ANXA8: variants seen among roughly 807,000 people sequenced by gnomAD.
The protein encoded by ANXA8 is VAC-beta.
ANXA8 carries 9 observed loss-of-function variants against 26.8 expected under a neutral mutation model. The observed-to-expected ratio is 0.34, with a 90% CI of 0.20 to 0.59. ANXA8 has a LOEUF of 0.59. Among genes scored for constraint, ANXA8 ranks in the 20% least tolerant of loss-of-function variants. The probability of loss-of-function intolerance (pLI) is 0.84; values close to 1 mark genes in which losing one functional copy is unlikely to be tolerated. For missense variants in ANXA8, 83 were observed against 238.5 expected, an observed-to-expected ratio of 0.35 and a Z score of 4.29; for synonymous variants, 39 against 94.8, an observed-to-expected ratio of 0.41 and a Z score of 3.42.
chr10:47,552,523 C>G, the ANXA8 span, among the ~76,000 whole-genome samples: 1 of 152,048 alleles, frequency 6.6e-6, no homozygotes, highest in African/African-American at 2.4e-5. Flanking sequence ...TCTAAAACTT[C>G]TAAATTACAG....
chr10:47,948,323 G>T, the ANXA8 span, among the ~76,000 whole-genome samples: 5 of 111,074 alleles, frequency 4.5e-5, no homozygotes, highest in East Asian at 1.3e-3. Context: ...ACTCAGGAAT[G>T]ATGGATGTTG....
At chr10:47,706,821 C>G in the ANXA8 span, 1 of 980,364 alleles carries the variant, frequency 1.0e-6, no homozygotes, top group Non-Finnish European at 1.6e-6. Flanking sequence ...ACTGCCCGTT[C>G]TCCTTGAAGA....
At chr10:47,490,239 A>T in the ANXA8 span, 1 of 165,790 alleles carries the variant, frequency 6.0e-6, no homozygotes, top group Middle Eastern at 3.1e-3. Flanking sequence ...GCGTGCTAGA[A>T]CTGAAGGATT....
chr10:47,567,963 TG>T, the ANXA8 span: 2 of 690,582 alleles, frequency 2.9e-6, no homozygotes, highest in Non-Finnish European at 5.2e-6. Context: ...ATGTGCCGTT[TG>T]GGGGTGCTAA....
the ANXA8 span, among the ~76,000 whole-genome samples, chr10:47,693,450 C>A: frequency 1.3e-5 from 2 of 151,478 alleles, no homozygotes; most frequent in African/African-American, 4.9e-5. Flanking sequence ...CCACCGCGCG[C>A]GGCTAATTTT....
the ANXA8 span, among the ~76,000 whole-genome samples, chr10:47,645,659 G>C: frequency 1.5e-4 from 22 of 151,646 alleles, no homozygotes; most frequent in African/African-American, 5.1e-4. Flanking sequence ...AGTTTTACTG[G>C]GCTAAGGGTT....
the ANXA8 span, among the ~76,000 whole-genome samples, chr10:47,914,939 C>A: frequency 2.0e-5 from 3 of 152,366 alleles, no homozygotes; most frequent in East Asian, 3.8e-4. Context: ...CTTGACCTAT[C>A]TCCTTTGTGC....
the ANXA8 span, among the ~76,000 whole-genome samples, chr10:47,506,837 C>T: frequency 0.093 from 12,767 of 137,222 alleles, 1,015 homozygotes; most frequent in East Asian, 0.24. Context: ...GACGGGGTTT[C>T]GCCGTGTTAG....
chr10:47,747,272 G>A, the ANXA8 span, among the ~76,000 whole-genome samples: 1 of 152,062 alleles, frequency 6.6e-6, no homozygotes, highest in Admixed American at 6.5e-5. Context: ...GGAACTGAAG[G>A]GGCCAAGATA....
the ANXA8 span, among the ~76,000 whole-genome samples, chr10:47,680,679 C>T: frequency 6.6e-6 from 1 of 151,188 alleles, no homozygotes; most frequent in Non-Finnish European, 1.5e-5. Flanking sequence ...TGTACAATTA[C>T]AATATGACAG....
the ANXA8 span, chr10:47,502,813 T>C: frequency 6.9e-6 from 11 of 1,595,524 alleles, 1 homozygote; most frequent in South Asian, 5.5e-5. Flanking sequence ...GATCTGGCTC[T>C]GGATGGCTTG....
At chr10:47,975,704 A>G in the ANXA8 span, among the ~76,000 whole-genome samples, 2 of 151,088 alleles carry the variant, frequency 1.3e-5, no homozygotes, top group African/African-American at 4.8e-5. Flanking sequence ...TTAGATGCTC[A>G]CCTTGTAGTA....
the ANXA8 span, among the ~76,000 whole-genome samples, chr10:47,974,034 C>T: frequency 6.6e-6 from 1 of 150,704 alleles, no homozygotes; most frequent in Non-Finnish European, 1.5e-5. Flanking sequence ...TCCATTTCCT[C>T]TAGATTTTCT....
the ANXA8 span, among the ~76,000 whole-genome samples, chr10:47,595,616 A>G: frequency 4.7e-5 from 7 of 149,382 alleles, 1 homozygote; most frequent in African/African-American, 1.8e-4. Flanking sequence ...TTCTATTCTC[A>G]TATCAGAGAA....
At chr10:47,724,592 C>T in the ANXA8 span, among the ~76,000 whole-genome samples, 2 of 141,766 alleles carry the variant, frequency 1.4e-5, 1 homozygote, top group Non-Finnish European at 3.1e-5. Flanking sequence ...TTCCTAACCA[C>T]CCTTCTTTAT....
At chr10:47,702,343 CT>C in the ANXA8 span, among the ~76,000 whole-genome samples, 4,423 of 139,842 alleles carry the variant, frequency 0.032, 57 homozygotes, top group Non-Finnish European at 0.047. Context: ...CTTTTCTTTT[CT>C]TTTTTTTTTT....
the ANXA8 span, among the ~76,000 whole-genome samples, chr10:47,651,116 C>T: frequency 5.3e-5 from 8 of 151,302 alleles, no homozygotes; most frequent in African/African-American, 2.0e-4. Context: ...GGAGGATCTG[C>T]TTGAGCCTGT....
Position 47,468,850 on chromosome 10 carries a change from G to C in ANXA8, c.981C>G (p.Pro327=). 1 of 1,610,770 alleles carries C rather than the reference G, an allele frequency of 6.2e-7. No individual in the cohort carries two copies. The highest frequency in any genetic ancestry group is 8.5e-7 in the Non-Finnish European group (1 of 1,179,670). The change falls in exon 12 of 12, where the codon CCC becomes CCG. Residue 327 remains proline (P), a synonymous_variant. Coordinates refer to ENST00000585281, the MANE Select transcript of ANXA8 (RefSeq NM_001040084.3). ...TTTGCTCTTGTTCTTCTGTGCCTCAGGGGTCGCTGCCCACCAGGCTCAGCA... is the reference window on the plus strand; with the variant it reads ...TTTGCTCTTGTTCTTCTGTGCCTCACGGGTCGCTGCCCACCAGGCTCAGCA... ...NALLSLVGSD[P]
chr10:47,627,031 A>G, the ANXA8 span, among the ~76,000 whole-genome samples: 1 of 149,366 alleles, frequency 6.7e-6, no homozygotes, highest in Non-Finnish European at 1.5e-5. Flanking sequence ...TGCTGGAAAT[A>G]ATAATCAGAA....
Sources: allele counts gnomAD v4.1 joint callset (sites outside exome capture counted in the v4.1 genomes callset), GRCh38; gene constraint gnomAD v4.1.1; transcripts MANE v1.5; gene names NCBI Gene and HGNC (gene_info 2026-07-23, HGNC 2026-07-21).